The following SLC44A5 variants were observed in gnomAD, a reference collection of about 807,000 sequenced individuals.
SLC44A5 encodes solute carrier family 44 member 5.
SLC44A5 carries 57 observed loss-of-function variants against 101.8 expected under a neutral mutation model. The ratio of observed to expected loss-of-function variants is 0.56; its 90% CI spans 0.45 to 0.70. The LOEUF (loss-of-function observed/expected upper bound fraction) is 0.70. Among genes scored for constraint, SLC44A5 ranks in the 30% least tolerant of loss-of-function variants. The probability of loss-of-function intolerance (pLI) is 0.00; values close to 1 mark genes in which losing one functional copy is unlikely to be tolerated. For missense variants in SLC44A5, 737 were observed against 853.1 expected, an observed-to-expected ratio of 0.86 and a Z score of 1.70; for synonymous variants, 281 against 290.9, an observed-to-expected ratio of 0.97 and a Z score of 0.35.
chr1:75,421,204 T>C, intron 2 of SLC44A5, among the ~76,000 whole-genome samples: 1 of 152,052 alleles, frequency 6.6e-6, no homozygotes, highest in East Asian at 1.9e-4. Context: ...TATAAAAATA[T>C]ACCTAAAATC....
chr1:75,304,246 C>T (rs562533805), intron 4 of SLC44A5, among the ~76,000 whole-genome samples: 6 of 152,058 alleles, frequency 3.9e-5, no homozygotes, highest in African/African-American at 1.4e-4. Flanking sequence ...AAATTTGTTT[C>T]TGTAGCAACT....
At chr1:75,568,841 C>A (rs1470637747) in intron 1 of SLC44A5, among the ~76,000 whole-genome samples, 1 of 152,210 alleles carries the variant, frequency 6.6e-6, no homozygotes, top group African/African-American at 2.4e-5. Context: ...TAATGGCTCC[C>A]ATTTGCTTCC....
chr1:75,204,174 G>A (rs776118415), intron 23 of SLC44A5, among the ~76,000 whole-genome samples: 1 of 151,640 alleles, frequency 6.6e-6, no homozygotes, highest in African/African-American at 2.4e-5. Context: ...GCTTAAAATT[G>A]ATTCTGTTTT....
chr1:75,223,967 G>A (rs559353703), intron 13 of SLC44A5, among the ~76,000 whole-genome samples: 32 of 152,066 alleles, frequency 2.1e-4, no homozygotes, highest in Non-Finnish European at 4.1e-4. Flanking sequence ...ACATTGCACC[G>A]TTAAAAAACC....
the SLC44A5 span, among the ~76,000 whole-genome samples, chr1:75,720,719 C>A: frequency 6.6e-6 from 1 of 152,010 alleles, no homozygotes; most frequent in Non-Finnish European, 1.5e-5. Flanking sequence ...CTTGGGAGAT[C>A]CTGAGAACAT....
chr1:75,336,314 C>T (rs145988265), intron 4 of SLC44A5, among the ~76,000 whole-genome samples: 35 of 152,100 alleles, frequency 2.3e-4, no homozygotes, highest in East Asian at 2.1e-3. Flanking sequence ...CCACCACACC[C>T]GGCTACTTTT....
chr1:75,420,755 A>C (rs12087751), intron 2 of SLC44A5, among the ~76,000 whole-genome samples: 4,137 of 152,176 alleles, frequency 0.027, 175 homozygotes, highest in African/African-American at 0.085. Context: ...AATTACGATA[A>C]CTCAATAATT....
At position 75,259,813 on chromosome 1, in the gene SLC44A5, C is replaced by A. The variant is rs141080033; in HGVS notation, c.261-8519G>T. On this transcript the variant is annotated intron_variant, in intron 6 of 23. Coordinates refer to ENST00000370859, the MANE Select transcript of SLC44A5 (RefSeq NM_001130058.2). ...AGGTTACCCACAACGGGAAGCCCATCAGACAAACAGCAGATCTCTTAGCAG... is the reference window on the plus strand; with the variant it reads ...AGGTTACCCACAACGGGAAGCCCATAAGACAAACAGCAGATCTCTTAGCAG... Among the ~76,000 whole-genome samples the A allele has an allele frequency of 3.9e-4, 59 of 152,250 alleles. No homozygotes were observed. The East Asian group carries it at 0.011, about 27-fold the overall frequency.
intron 1 of SLC44A5, among the ~76,000 whole-genome samples, chr1:75,599,353 T>C (rs1674835811): frequency 6.6e-6 from 1 of 152,164 alleles, no homozygotes; most frequent in South Asian, 2.1e-4. Flanking sequence ...TAAAACTAAC[T>C]GATAGCGCAT....
chr1:75,428,914 T>A (rs1310744015), intron 2 of SLC44A5, among the ~76,000 whole-genome samples: 1 of 152,142 alleles, frequency 6.6e-6, no homozygotes, highest in Non-Finnish European at 1.5e-5. Context: ...GAGTCTTAGT[T>A]TTTTTGTCTT....
intron 12 of SLC44A5, among the ~76,000 whole-genome samples, chr1:75,233,110 C>G (rs932808365): frequency 6.6e-6 from 1 of 152,098 alleles, no homozygotes; most frequent in African/African-American, 2.4e-5. Flanking sequence ...TACTGTTCCA[C>G]GTGAGACACT....
intron 7 of SLC44A5, among the ~76,000 whole-genome samples, chr1:75,247,618 TAGAA>T (rs1649220480): frequency 6.6e-6 from 1 of 152,010 alleles, no homozygotes; most frequent in African/African-American, 2.4e-5. Context: ...TAAAAGATGT[TAGAA>T]AGATTAAGAT....
chr1:75,438,528 A>C (rs1665014570), intron 2 of SLC44A5, among the ~76,000 whole-genome samples: 1 of 152,132 alleles, frequency 6.6e-6, no homozygotes, highest in African/African-American at 2.4e-5. Context: ...GCAGTACTAA[A>C]TGAGAAGAGG....
At chr1:75,674,773 G>A in the SLC44A5 span, among the ~76,000 whole-genome samples, 3 of 152,206 alleles carry the variant, frequency 2.0e-5, no homozygotes, top group African/African-American at 7.2e-5. Flanking sequence ...CCTTAAAGAG[G>A]AGATAGAGAA....
chr1:75,233,048 T>C (rs1647732443), intron 12 of SLC44A5, among the ~76,000 whole-genome samples: 1 of 152,150 alleles, frequency 6.6e-6, no homozygotes, highest in South Asian at 2.1e-4. Context: ...ATATAATATA[T>C]TGGCTCATAC....
the SLC44A5 span, among the ~76,000 whole-genome samples, chr1:75,700,076 T>C: frequency 6.6e-6 from 1 of 152,150 alleles, no homozygotes. Flanking sequence ...AACACCCCGC[T>C]GTCAACATTA....
In SLC44A5 at chr1:75,281,957, C is replaced by T. The variant is rs1652630661; in HGVS notation, c.176-6915G>A. Reference sequence around the variant, plus strand: ...GAAGGGAAATATAAAGTCAGAACCTCCACTGGGGCATTGCCTAGTGCAGCT... The same window carrying T: ...GAAGGGAAATATAAAGTCAGAACCTTCACTGGGGCATTGCCTAGTGCAGCT... On this transcript the variant is annotated intron_variant, in intron 5 of 23. Coordinates refer to ENST00000370859, the MANE Select transcript of SLC44A5 (RefSeq NM_001130058.2). Among the ~76,000 whole-genome samples the T allele has an allele frequency of 3.3e-5, 5 of 152,164 alleles. 1 individual carries two copies. The South Asian group carries it at 1.0e-3, about 31-fold the overall frequency.
chr1:75,694,043 T>A, the SLC44A5 span, among the ~76,000 whole-genome samples: 2 of 150,878 alleles, frequency 1.3e-5, no homozygotes, highest in African/African-American at 4.9e-5. Context: ...GGAGAGGAAA[T>A]GGAGTTGAGT....
intron 11 of SLC44A5, among the ~76,000 whole-genome samples, chr1:75,235,937 G>T (rs1648038860): frequency 6.6e-6 from 1 of 152,064 alleles, no homozygotes. Flanking sequence ...GTATGTGTGT[G>T]TATTTATAGG....
Sources: allele counts gnomAD v4.1 joint callset (sites outside exome capture counted in the v4.1 genomes callset), GRCh38; gene constraint gnomAD v4.1.1; transcripts MANE v1.5; gene names NCBI Gene and HGNC (gene_info 2026-07-23, HGNC 2026-07-21).